Variants in TMEM8B observed in about 807,000 individuals in gnomAD.
The protein encoded by TMEM8B is transmembrane protein 8B.
TMEM8B carries 29 observed loss-of-function variants against 49.3 expected under a neutral mutation model. The ratio of observed to expected loss-of-function variants is 0.59; its 90% CI spans 0.44 to 0.80. TMEM8B has a LOEUF of 0.80. TMEM8B is among the 30% of genes least tolerant of loss of function. The probability of loss-of-function intolerance (pLI) is 0.00; values close to 1 mark genes in which losing one functional copy is unlikely to be tolerated. For missense variants in TMEM8B, 575 were observed against 658.5 expected (o/e 0.87, Z 1.39); for synonymous variants, 264 against 272.8 (o/e 0.97, Z 0.32).
In TMEM8B at chr9:35,842,666, G is replaced by C; in HGVS notation, c.1584G>C (p.Leu528Phe). The C allele has an allele frequency of 6.2e-7, 1 of 1,614,098 alleles. No individual in the cohort carries two copies. Among genetic ancestry groups the C allele is most frequent in the Non-Finnish European group, 8.5e-7 (1 of 1,179,972 alleles). The stretch of plus-strand genomic sequence containing the variant: ...CAGCCGTGTTCGCCATGAGGCTGTT[G>C]CCAGTGCTGGACAGTGGAGGCGTCC... ...ERPAVFAMRL[L>F]PVLDSGGVLS... Residue 528 changes from leucine (L) to phenylalanine (F), a missense_variant, in exon 6 of 13, where the codon TTG (leucine) becomes TTC (phenylalanine). Transcript: ENST00000643932. The surrounding 1 kb of genome is among the most constrained non-coding windows in gnomAD (Gnocchi z 5.6).
intron 6 of TMEM8B, among the ~76,000 whole-genome samples, chr9:35,844,071 G>C (rs963685675): frequency 2.6e-5 from 4 of 152,182 alleles, no homozygotes; most frequent in African/African-American, 9.7e-5. Flanking sequence ...GCCCACAGCT[G>C]TTTTTGGTTT....
At chr9:35,840,495 C>A (rs1830866362) in intron 3 of TMEM8B, among the ~76,000 whole-genome samples, 1 of 152,168 alleles carries the variant, frequency 6.6e-6, no homozygotes, top group Admixed American at 6.5e-5. Flanking sequence ...GGTTCCTGTT[C>A]TCAAGCTGCT....
rs1301313264 is a variant in TMEM8B, at chr9:35,835,042, A to C, written c.730A>C (p.Asn244His). Residue 244 changes from asparagine (N) to histidine (H), a missense_variant, in exon 3 of 13, where the codon AAT becomes CAT. Transcript: ENST00000643932. The part of the protein sequence containing the change: ...YFRSGAPPVI[N>H]PLHTHFPGDT... ...CCGGTCCGGGGCACCCCCTGTCATCAATCCCCTGCATACACACTTCCCAGG... is the reference window on the plus strand; with the variant it reads ...CCGGTCCGGGGCACCCCCTGTCATCCATCCCCTGCATACACACTTCCCAGG... 2.4e-6 allele frequency: 1 copy of C among 415,562 alleles called. No individual in the cohort carries two copies. Among genetic ancestry groups the C allele is most frequent in the African/African-American group, 2.1e-5 (1 of 48,640 alleles). The allele number at this position is 415,562 out of a possible 1,614,324, so 25.7% of individuals were successfully genotyped here. A position where few individuals can be genotyped will look rare whatever the true frequency, so the allele number is the denominator to read the frequency against.
rs1464333829 is a variant in TMEM8B, at chr9:35,854,620, A to G, written c.*780A>G. On this transcript the variant is annotated 3_prime_UTR_variant, in exon 13 of 13. Transcript: ENST00000643932. ...AACAGTTTCTAATGCCTATTCCCCA[A>G]TTCCTATTGAGCCCGATTTGCAGTA... 1.3e-5 allele frequency: 2 copies of G among 151,988 alleles called. No individual in the cohort carries two copies. The highest frequency in any genetic ancestry group is 6.6e-5 in the Admixed American group (1 of 15,244). The allele number at this position is 151,988 out of a possible 1,614,324, so 9.4% of individuals were successfully genotyped here.
In TMEM8B at chr9:35,860,379, A is replaced by G. The variant is rs1035124913; in HGVS notation, c.*6539A>G. On this transcript the variant is annotated 3_prime_UTR_variant, in exon 13 of 13. Coordinates refer to ENST00000643932, the MANE Select transcript of TMEM8B (RefSeq NM_001042590.4). The stretch of plus-strand genomic sequence containing the variant: ...CCAAATTATGGCCATAGTATTTCAG[A>G]TTTATTCATCCACTAAGTATTTATT... 6.6e-6 allele frequency: 1 copy of G among 152,238 alleles called. No homozygotes were observed. Among genetic ancestry groups the G allele is most frequent in the Non-Finnish European group, 1.5e-5 (1 of 68,044 alleles). The allele number at this position is 152,238 out of a possible 1,614,324, so 9.4% of individuals were successfully genotyped here.
intron 3 of TMEM8B, among the ~76,000 whole-genome samples, chr9:35,839,332 T>C (rs1830740566): frequency 6.6e-6 from 1 of 152,250 alleles, no homozygotes; most frequent in African/African-American, 2.4e-5. Context: ...CCCCGACTGC[T>C]GATGTTCTTC....
At chr9:35,845,369 T>G (rs1363809706) in intron 6 of TMEM8B, 1 of 983,338 alleles carries the variant, frequency 1.0e-6, no homozygotes, top group African/African-American at 1.7e-5. Flanking sequence ...CTCAAATCCT[T>G]CTTGAATGAG....
In TMEM8B at chr9:35,842,456, C is replaced by A. The variant is rs1222098490; in HGVS notation, c.1374C>A (p.Ser458=). ...VPGAAMNMPQ[S]LGNQPLPPEP... is the part of the protein sequence containing the mutation. ...GAGCTGCCATGAACATGCCCCAGTC[C>A]CTGGGCAACCAGCCACTGCCCCCAG... Residue 458 remains serine, a synonymous_variant, in exon 6 of 13, where the codon TCC becomes TCA. Coordinates refer to ENST00000643932, the MANE Select transcript of TMEM8B (RefSeq NM_001042590.4). This position sits in a 1 kb window ranked among gnomAD's most constrained non-coding sequence, Gnocchi z 5.6. 1 of 1,582,360 alleles carries A rather than the reference C, an allele frequency of 6.3e-7. No homozygotes were observed. Among genetic ancestry groups the A allele is most frequent in the East Asian group, 2.2e-5 (1 of 44,522 alleles).
In TMEM8B at chr9:35,845,945, C is replaced by T. The variant is rs199906473; in HGVS notation, c.1636-30C>T. On this transcript the variant is annotated intron_variant, in intron 6 of 12. Coordinates refer to ENST00000643932, the MANE Select transcript of TMEM8B (RefSeq NM_001042590.4). ...CGGTGGGTGGAGATGGAGGATGTGGCGGCCTCACTTCCATACCTGCCCTCC... is the reference window on the plus strand; with the variant it reads ...CGGTGGGTGGAGATGGAGGATGTGGTGGCCTCACTTCCATACCTGCCCTCC... 34 of 1,610,978 alleles carry T rather than the reference C, an allele frequency of 2.1e-5. No individual in the cohort carries two copies. The African/African-American group carries it at 3.6e-4, about 17-fold the overall frequency.
intron 6 of TMEM8B, among the ~76,000 whole-genome samples, chr9:35,844,048 G>A (rs1359060938): frequency 6.6e-6 from 1 of 152,234 alleles, no homozygotes; most frequent in African/African-American, 2.4e-5. Flanking sequence ...ACAAGTGTGA[G>A]CCACTGTGCC....
chr9:35,861,669 CAG>C lies in TMEM8B; in HGVS notation c.*7831_*7832del, dbSNP rs1832656195. On this transcript the variant is annotated 3_prime_UTR_variant, in exon 13 of 13. Transcript: ENST00000643932. Reference sequence around the variant, plus strand: ...ACTGACCAAGACACTTGACCTCTCTCAGACTCAGCTTCCTCCTTGAAGACTGG... The same window carrying C: ...ACTGACCAAGACACTTGACCTCTCTCACTCAGCTTCCTCCTTGAAGACTGG... 1.3e-5 allele frequency: 2 copies of C among 152,586 alleles called. No homozygotes were observed. The highest frequency in any genetic ancestry group is 2.1e-4 in the South Asian group (1 of 4,830). The allele number at this position is 152,586 out of a possible 1,614,324, so 9.5% of individuals were successfully genotyped here.
intron 1 of TMEM8B, chr9:35,833,353 T>G (rs1830102788): frequency 1.0e-6 from 1 of 985,206 alleles, no homozygotes; most frequent in Non-Finnish European, 1.2e-6. Flanking sequence ...CATCTTGGGC[T>G]TCTTTTCTGG....
chr9:35,846,405 G>A (rs1356369081), intron 8 of TMEM8B, 24 bp downstream of exon 8: 1 of 1,605,510 alleles, frequency 6.2e-7, no homozygotes, highest in Non-Finnish European at 8.5e-7. Flanking sequence ...GGCGGGGCCA[G>A]GGCTGGGACC....
rs1271957673 is a variant in TMEM8B at position 35,829,414 on chromosome 9, G to T, written c.-34G>T. The T allele has an allele frequency of 3.0e-5, 10 of 333,730 alleles. No individual in the cohort carries two copies. Among genetic ancestry groups the T allele is most frequent in the South Asian group, 1.4e-4 (1 of 7,052 alleles). The allele number at this position is 333,730 out of a possible 1,614,324, so 20.7% of individuals were successfully genotyped here. A position where few individuals can be genotyped will look rare whatever the true frequency, so the allele number is the denominator to read the frequency against. ...CGGGCCAGCTCTGCGAGCGCCCCGCGCTGGCCTGTCCGGCCCCGCCCCCGC... is the reference window on the plus strand; with the variant it reads ...CGGGCCAGCTCTGCGAGCGCCCCGCTCTGGCCTGTCCGGCCCCGCCCCCGC... On this transcript the variant is annotated 5_prime_UTR_variant, in exon 1 of 13. Coordinates refer to ENST00000643932, the MANE Select transcript of TMEM8B (RefSeq NM_001042590.4).
rs370419934 is a variant in TMEM8B at position 35,860,328 on chromosome 9, C to G, written c.*6488C>G. ...GTTTTTGGTCATTAACAGGAAGCAT[C>G]TTTTCTACATTACGGTTTCATGTGA... On this transcript the variant is annotated 3_prime_UTR_variant, in exon 13 of 13. Coordinates refer to ENST00000643932, the MANE Select transcript of TMEM8B (RefSeq NM_001042590.4). The G allele has an allele frequency of 1.3e-4, 20 of 152,250 alleles. No individual in the cohort carries two copies. Among genetic ancestry groups the G allele is most frequent in the African/African-American group, 4.8e-4 (20 of 41,468 alleles). The allele number at this position is 152,250 out of a possible 1,614,324, so 9.4% of individuals were successfully genotyped here.
chr9:35,841,234 C>A lies in TMEM8B; in HGVS notation c.1007C>A (p.Thr336Asn). 2.4e-6 allele frequency: 1 copy of A among 416,214 alleles called. No homozygotes were observed. The highest frequency in any genetic ancestry group is 4.4e-6 in the Non-Finnish European group (1 of 226,770). The allele number at this position is 416,214 out of a possible 1,614,324, so 25.8% of individuals were successfully genotyped here. The change falls in exon 4 of 13, where the codon ACC (threonine) becomes AAC (asparagine). Residue 336 changes from threonine to asparagine, a missense_variant. Physicochemically the swap from Thr to Asn is moderately conservative, Grantham distance 65. Coordinates refer to ENST00000643932, the MANE Select transcript of TMEM8B (RefSeq NM_001042590.4). The surrounding 1 kb of genome is among the most constrained non-coding windows in gnomAD (Gnocchi z 5.9). ...GTTCCTGGCCGGCCCTCAGAGCAAA[C>A]CCTCTCCCCACACAATCGCTCAGCC... ...VLVPGRPSEQ[T>N]LSPHNRSALY...
chr9:35,830,786 C>G (rs987482994), intron 1 of TMEM8B, among the ~76,000 whole-genome samples: 1 of 152,232 alleles, frequency 6.6e-6, no homozygotes, highest in African/African-American at 2.4e-5. Context: ...TCCTTATTTG[C>G]CAGGCGTCAG....
chr9:35,832,517 G>C (rs11792989), intron 1 of TMEM8B, among the ~76,000 whole-genome samples: 1 of 152,074 alleles, frequency 6.6e-6, no homozygotes, highest in Non-Finnish European at 1.5e-5. Context: ...GGATGGCTTA[G>C]CTAGTTCCCC....
In TMEM8B at chr9:35,863,359, A is replaced by T. The variant is rs531300836; in HGVS notation, c.*9519A>T. 1 of 152,324 alleles carries T rather than the reference A, an allele frequency of 6.6e-6. No individual in the cohort carries two copies. Among genetic ancestry groups the T allele is most frequent in the East Asian group, 1.9e-4 (1 of 5,178 alleles). 9.4% of individuals were successfully genotyped at this position (152,324 alleles called of 1,614,324 possible). A position where few individuals can be genotyped will look rare whatever the true frequency, so the allele number is the denominator to read the frequency against. The stretch of plus-strand genomic sequence containing the variant: ...AGTAACATGGTGGGTTTTCCTCACA[A>T]CTTAAAAGTCTGATCGTAACACATT... On this transcript the variant is annotated 3_prime_UTR_variant, in exon 13 of 13. Coordinates refer to ENST00000643932, the MANE Select transcript of TMEM8B (RefSeq NM_001042590.4).
Sources: gnomAD v4.1 joint callset for allele counts (sites outside exome capture counted in the v4.1 genomes callset) on GRCh38, gnomAD v4.1.1 for gene constraint, Gnocchi (gnomAD v3.1) non-coding constraint, MANE v1.5 for transcripts, NCBI Gene and HGNC (gene_info 2026-07-23, HGNC 2026-07-21) for gene names.